The following FYTTD1 variants were observed in gnomAD, a reference collection of about 807,000 sequenced individuals.
FYTTD1 encodes the protein UAP56-interacting factor.
Under a neutral mutation model 40.9 loss-of-function variants are expected in FYTTD1, and 22 were observed. The ratio of observed to expected loss-of-function variants is 0.54; its 90% CI spans 0.38 to 0.77. The LOEUF is 0.77. Among genes scored for constraint, FYTTD1 ranks in the 30% least tolerant of loss-of-function variants. FYTTD1 has a pLI of 0.00. For synonymous variants in FYTTD1, 140 were observed against 137.9 expected, an observed-to-expected ratio of 1.01 and a Z score of -0.10; for missense variants, 351 against 392.2, an observed-to-expected ratio of 0.90 and a Z score of 0.89.
chr3:197,780,568 A>G (rs576498999), intron 8 of FYTTD1, among the ~76,000 whole-genome samples: 1 of 150,004 alleles, frequency 6.7e-6, no homozygotes, highest in South Asian at 2.1e-4. Context: ...TTTGAGATGG[A>G]GTCTTGCTCT....
chr3:197,750,327 G>C, intron 1 of FYTTD1: 3 of 1,130,604 alleles, frequency 2.7e-6, no homozygotes, highest in Non-Finnish European at 3.3e-6. Flanking sequence ...GGCGGGGGCA[G>C]GGGCGCTGCG....
At chr3:197,756,716 A>G (rs988782087) in intron 2 of FYTTD1, among the ~76,000 whole-genome samples, 159 bp downstream of exon 2, 4 of 152,202 alleles carry the variant, frequency 2.6e-5, no homozygotes, top group African/African-American at 9.6e-5. Flanking sequence ...ACCTGGTAAA[A>G]ATTTCAGTAG....
intron 2 of FYTTD1, among the ~76,000 whole-genome samples, chr3:197,766,682 A>G (rs1034833057): frequency 6.6e-6 from 1 of 151,940 alleles, no homozygotes; most frequent in South Asian, 2.1e-4. Context: ...GGCTCAAGCA[A>G]TCCATCCTTC....
At chr3:197,754,017 GGC>G (rs1454823246) in intron 1 of FYTTD1, among the ~76,000 whole-genome samples, 1 of 152,128 alleles carries the variant, frequency 6.6e-6, no homozygotes, top group Non-Finnish European at 1.5e-5. Context: ...TGGGATTACA[GGC>G]GTGAGCTACC....
chr3:197,756,461 A>C lies in FYTTD1; in HGVS notation c.139A>C (p.Lys47Gln). Reference protein sequence around the residue: ...IIKLNRKEGKKQNFPRLNRRL... With the variant: ...IIKLNRKEGKQQNFPRLNRRL... ...CAAGTTGAATCGAAAGGAAGGGAAG[A>C]AGCAGAATTTTCCAAGACTAAATAG... is the stretch of plus-strand genomic sequence containing the variant. The change falls in exon 2 of 9, where the codon AAG becomes CAG. Residue 47 changes from lysine to glutamine, a missense_variant. Lys to Gln is a moderately conservative substitution (Grantham distance 53). Coordinates refer to ENST00000241502, the MANE Select transcript of FYTTD1 (RefSeq NM_032288.7). The C allele has an allele frequency of 1.2e-6, 2 of 1,608,590 alleles. No individual in the cohort carries two copies. Among genetic ancestry groups the C allele is most frequent in the Non-Finnish European group, 1.7e-6 (2 of 1,174,948 alleles).
rs988928881 is a variant in FYTTD1 at position 197,784,972 on chromosome 3, T to A, written c.*3063T>A. 2.0e-5 allele frequency: 3 copies of A among 152,166 alleles called. No homozygotes were observed. The highest frequency in any genetic ancestry group is 7.2e-5 in the African/African-American group (3 of 41,438). The allele number at this position is 152,166 out of a possible 1,614,324, so 9.4% of individuals were successfully genotyped here. A position where few individuals can be genotyped will look rare whatever the true frequency, so the allele number is the denominator to read the frequency against. ...GAGCTCAGATCTTCTAATTCTTAAT[T>A]GATAATAAACTGCTTTGGTGAATTA... On this transcript the variant is annotated 3_prime_UTR_variant, in exon 9 of 9. Transcript: ENST00000241502.
intron 2 of FYTTD1, among the ~76,000 whole-genome samples, chr3:197,764,399 TA>T (rs1295288414): frequency 1.3e-5 from 2 of 152,108 alleles, no homozygotes; most frequent in African/African-American, 4.8e-5. Flanking sequence ...GAACGAATCA[TA>T]TAGGCCTGAT....
chr3:197,771,363 TA>T (rs1223563700), intron 4 of FYTTD1, among the ~76,000 whole-genome samples: 2 of 152,136 alleles, frequency 1.3e-5, no homozygotes, highest in Admixed American at 6.6e-5. Context: ...ATGAGGTTTT[TA>T]AAAAATGCAG....
At chr3:197,757,596 G>C (rs1363082218) in intron 2 of FYTTD1, among the ~76,000 whole-genome samples, 2 of 152,140 alleles carry the variant, frequency 1.3e-5, no homozygotes, top group African/African-American at 4.8e-5. Flanking sequence ...GCAACACAGG[G>C]AGACCCTGTC....
intron 4 of FYTTD1, among the ~76,000 whole-genome samples, chr3:197,770,949 A>G (rs183376428): frequency 6.6e-6 from 1 of 152,372 alleles, no homozygotes. Context: ...AGAACACTGA[A>G]TCACAATGTA....
intron 2 of FYTTD1, among the ~76,000 whole-genome samples, chr3:197,761,613 G>T (rs568028184): frequency 4.6e-5 from 7 of 152,206 alleles, no homozygotes; most frequent in Non-Finnish European, 1.5e-5. Flanking sequence ...AGAATGTATA[G>T]AGTTGTTCTT....
chr3:197,749,765 C>A, upstream of FYTTD1: 1 of 561,846 alleles, frequency 1.8e-6, no homozygotes, highest in Non-Finnish European at 3.3e-6. Flanking sequence ...CTGCGAGGGC[C>A]GCTAGGAGCG....
Position 197,777,033 on chromosome 3 carries a change from T to G in FYTTD1, c.731+32T>G. ...TGTTTCTTTCTTTTTGCAAAAATTA[T>G]AACCTCTCATTACATGAGATCATAA... On this transcript the variant is annotated intron_variant, in intron 7 of 8. Transcript: ENST00000241502. 2.3e-6 allele frequency: 3 copies of G among 1,286,308 alleles called. No individual in the cohort carries two copies. The Middle Eastern group carries it at 5.6e-4, about 238-fold the overall frequency. 79.7% of individuals were successfully genotyped at this position (1,286,308 alleles called of 1,614,324 possible). A position where few individuals can be genotyped will look rare whatever the true frequency, so the allele number is the denominator to read the frequency against.
intron 1 of FYTTD1, chr3:197,750,515 T>G (rs1029407854): frequency 2.0e-6 from 2 of 985,778 alleles, no homozygotes; most frequent in Admixed American, 6.1e-5. Context: ...TGAAGAAAGG[T>G]CTTGGAGAGC....
At chr3:197,776,506 A>G (rs1258078509) in intron 6 of FYTTD1, among the ~76,000 whole-genome samples, 1 of 149,422 alleles carries the variant, frequency 6.7e-6, no homozygotes, top group Admixed American at 6.8e-5. Flanking sequence ...TACAGGTGTG[A>G]GCCAGTGCCC....
At chr3:197,750,940 A>C (rs539024478) in intron 1 of FYTTD1, 2 of 731,000 alleles carry the variant, frequency 2.7e-6, no homozygotes, top group South Asian at 1.2e-4. Context: ...CCGAGGCACC[A>C]GCCGCTGTGG....
chr3:197,780,823 G>A (rs1376021713), intron 8 of FYTTD1, among the ~76,000 whole-genome samples: 2 of 151,738 alleles, frequency 1.3e-5, no homozygotes, highest in African/African-American at 4.8e-5. Flanking sequence ...GATTACAGGC[G>A]TGAGCCACCA....
At chr3:197,780,185 C>A (rs1729992368) in intron 8 of FYTTD1, among the ~76,000 whole-genome samples, 1 of 151,614 alleles carries the variant, frequency 6.6e-6, no homozygotes, top group Non-Finnish European at 1.5e-5. Context: ...GCACACACAC[C>A]ACACCTGGGG....
intron 1 of FYTTD1, among the ~76,000 whole-genome samples, chr3:197,755,357 C>T (rs879157004): frequency 2.0e-5 from 3 of 152,086 alleles, no homozygotes; most frequent in Non-Finnish European, 2.9e-5. Context: ...AGTATATGCT[C>T]AGTAAATATT....
Sources: gnomAD v4.1 joint callset for allele counts (sites outside exome capture counted in the v4.1 genomes callset) on GRCh38, gnomAD v4.1.1 for gene constraint, MANE v1.5 for transcripts, NCBI Gene and HGNC (gene_info 2026-07-23, HGNC 2026-07-21) for gene names.